Variants in DACH2 observed in about 807,000 individuals in gnomAD.
DACH2 encodes dachshund homolog 2.
In DACH2, 17 loss-of-function variants were observed where a neutral mutation model predicts 35.8. The observed-to-expected ratio is 0.48, with a 90% CI of 0.33 to 0.71. The LOEUF (loss-of-function observed/expected upper bound fraction) is 0.71, where lower values mean the gene tolerates loss of function less well. Ranked by LOEUF, DACH2 falls within the 30% of genes least tolerant of loss-of-function variation. The pLI is 0.02. For synonymous variants in DACH2, 195 were observed against 177.3 expected, an observed-to-expected ratio of 1.10 and a Z score of -0.79; for missense variants, 469 against 472.7, an observed-to-expected ratio of 0.99 and a Z score of 0.07.
intron 3 of DACH2, among the ~76,000 whole-genome samples, chrX:86,526,731 T>A (rs1005434187): frequency 9.2e-6 from 1 of 109,042 alleles, no homozygotes; most frequent in Admixed American, 1.0e-4. Context: ...TTTGAAACAC[T>A]GTGTTAGATC....
At position 86,454,122 on chromosome X, in the gene DACH2, G is replaced by A. The variant is rs376668624; in HGVS notation, c.528-60157G>A. On this transcript the variant is annotated intron_variant, in intron 2 of 11. Transcript: ENST00000373125. ...AGTGGCCCCCAATCTCTTCTGGCTTGTAGGATATCCGCTGAGAGGTCTGCC... is the reference window on the plus strand; with the variant it reads ...AGTGGCCCCCAATCTCTTCTGGCTTATAGGATATCCGCTGAGAGGTCTGCC... Among the ~76,000 whole-genome samples, 9 of 111,493 alleles carry A rather than the reference G, an allele frequency of 8.1e-5. No individual in the cohort carries two copies. In the East Asian group the frequency reaches 2.6e-3, roughly 32 times the overall value.
chrX:86,197,524 T>C (rs1259197825), intron 1 of DACH2, among the ~76,000 whole-genome samples: 2 of 110,929 alleles, frequency 1.8e-5, no homozygotes, highest in Non-Finnish European at 3.8e-5. Context: ...CCATCTTGCA[T>C]GCAATGACAC....
intron 3 of DACH2, among the ~76,000 whole-genome samples, chrX:86,568,233 C>A (rs1048088441): frequency 9.0e-6 from 1 of 110,926 alleles, no homozygotes; most frequent in Non-Finnish European, 1.9e-5. Context: ...TTATACACTG[C>A]GAAATCACAT....
At chrX:86,516,606 T>A (rs760199065) in intron 3 of DACH2, among the ~76,000 whole-genome samples, 65 of 110,665 alleles carry the variant, frequency 5.9e-4, no homozygotes, top group African/African-American at 1.7e-3. Context: ...CTTTTTTTTT[T>A]AATTTTATTT....
rs369855494 is a variant in DACH2 at position 86,296,610 on chromosome X, G to T, written c.489-80214G>T. 3.5e-4 allele frequency among the ~76,000 whole-genome samples: 39 copies of T among 110,813 alleles called. No individual in the cohort carries two copies. In the East Asian group the frequency reaches 3.7e-3, roughly 10 times the overall value. ...ATTTTTTCATTATTAGACCCTCTTT[G>T]TTACTGTGCTTTCTTTTGGTTTGTC... On this transcript the variant is annotated intron_variant, in intron 1 of 11. Coordinates refer to ENST00000373125, the MANE Select transcript of DACH2 (RefSeq NM_053281.3).
intron 11 of DACH2, among the ~76,000 whole-genome samples, chrX:86,821,261 A>C (rs2042509252): frequency 1.8e-5 from 2 of 111,215 alleles, no homozygotes; most frequent in Admixed American, 9.6e-5. Flanking sequence ...TGTAAAGTGA[A>C]AATATTTTCT....
chrX:86,240,405 A>AAAGT (rs1350003791), intron 1 of DACH2, among the ~76,000 whole-genome samples: 3 of 107,536 alleles, frequency 2.8e-5, no homozygotes, highest in Non-Finnish European at 5.7e-5. Flanking sequence ...ATGCAAGAAG[A>AAAGT]AAGTATATTC....
intron 3 of DACH2, among the ~76,000 whole-genome samples, chrX:86,562,127 G>T (rs927606671): frequency 9.1e-6 from 1 of 110,177 alleles, no homozygotes; most frequent in South Asian, 3.9e-4. Context: ...GGAGCAAGAT[G>T]ATATTTTCTC....
chrX:86,793,232 G>GTT (rs748629498), intron 7 of DACH2, among the ~76,000 whole-genome samples: 8 of 108,194 alleles, frequency 7.4e-5, no homozygotes, highest in African/African-American at 2.3e-4. Flanking sequence ...GGTTTTTTGG[G>GTT]TTTTTTTTTG....
intron 2 of DACH2, among the ~76,000 whole-genome samples, chrX:86,435,710 T>C (rs1013402655): frequency 8.9e-6 from 1 of 112,002 alleles, no homozygotes; most frequent in African/African-American, 3.2e-5. Context: ...TGTAGCATTG[T>C]ACGTAAATGA....
In DACH2 at chrX:86,742,656, C is replaced by A. The variant is rs1371864554; in HGVS notation, c.1240+2774C>A. 8 of 301,171 alleles carry A rather than the reference C, an allele frequency of 2.7e-5. No homozygotes were observed. The Admixed American group carries it at 2.8e-4, about 10-fold the overall frequency. The allele number at this position is 301,171 out of a possible 1,213,427, so 24.8% of individuals were successfully genotyped here. On this transcript the variant is annotated intron_variant, in intron 7 of 11. Transcript: ENST00000373125. ...TCTTATTTATAGTTATGATGCCCAACAATAGAGAGGAACTTATTGTTGATC... is the reference window on the plus strand; with the variant it reads ...TCTTATTTATAGTTATGATGCCCAAAAATAGAGAGGAACTTATTGTTGATC...
rs1250600325 is a variant in DACH2 at position 86,516,188 on chromosome X, C to T, written c.640+1797C>T. Among the ~76,000 whole-genome samples, 12 of 111,679 alleles carry T rather than the reference C, an allele frequency of 1.1e-4. No individual in the cohort carries two copies. The Admixed American group carries it at 1.1e-3, about 11-fold the overall frequency. ...TGTGCATATAAATGAAGATAGAAAG[C>T]ATAACAACATCTGAAATATATCTTG... On this transcript the variant is annotated intron_variant, in intron 3 of 11. Coordinates refer to ENST00000373125, the MANE Select transcript of DACH2 (RefSeq NM_053281.3).
At chrX:86,561,865 C>G (rs1481530956) in intron 3 of DACH2, among the ~76,000 whole-genome samples, 1 of 63,080 alleles carries the variant, frequency 1.6e-5, no homozygotes, top group Non-Finnish European at 2.8e-5. Flanking sequence ...CTAACCTGCA[C>G]ATTGTGCACA....
At chrX:86,545,775 A>G (rs967883446) in intron 3 of DACH2, among the ~76,000 whole-genome samples, 2 of 111,729 alleles carry the variant, frequency 1.8e-5, no homozygotes, top group Non-Finnish European at 3.8e-5. Context: ...AAGAAACTTT[A>G]TTAAGGGTTG....
intron 1 of DACH2, among the ~76,000 whole-genome samples, chrX:86,171,318 C>T (rs988206494): frequency 9.0e-6 from 1 of 111,024 alleles, no homozygotes; most frequent in Admixed American, 9.6e-5. Context: ...TGCCAGCACT[C>T]CTTTGGCTGT....
At chrX:86,296,156 G>T (rs1246742719) in intron 1 of DACH2, among the ~76,000 whole-genome samples, 1 of 107,243 alleles carries the variant, frequency 9.3e-6, no homozygotes, top group East Asian at 2.9e-4. Flanking sequence ...GAGGCGGGCG[G>T]ATCACGAGGT....
chrX:86,360,320 G>A (rs963107848), intron 1 of DACH2, among the ~76,000 whole-genome samples: 16 of 110,595 alleles, frequency 1.4e-4, no homozygotes, highest in Admixed American at 2.9e-4. Context: ...TTCCCCTTAT[G>A]CCCCACACTT....
chrX:86,395,763 A>G (rs1263735952), intron 2 of DACH2, among the ~76,000 whole-genome samples: 1 of 112,101 alleles, frequency 8.9e-6, no homozygotes, highest in Non-Finnish European at 1.9e-5. Flanking sequence ...TATATGTGCC[A>G]CATTTTGTTA....
chrX:86,710,803 G>A (rs770186103), intron 5 of DACH2, among the ~76,000 whole-genome samples: 6 of 111,863 alleles, frequency 5.4e-5, no homozygotes, highest in Non-Finnish European at 1.1e-4. Context: ...GTAGCAGTAA[G>A]TAGTCACTGG....
Sources: gnomAD v4.1 joint callset for allele counts (sites outside exome capture counted in the v4.1 genomes callset) on GRCh38, gnomAD v4.1.1 for gene constraint, MANE v1.5 for transcripts, NCBI Gene and HGNC (gene_info 2026-07-23, HGNC 2026-07-21) for gene names.